SNX29: variants seen among roughly 807,000 people sequenced by gnomAD.
SNX29 encodes the protein sorting nexin-29.
Under a neutral mutation model 102.1 loss-of-function variants are expected in SNX29, and 78 were observed. The observed-to-expected ratio is 0.76, with a 90% CI of 0.64 to 0.92. The LOEUF (loss-of-function observed/expected upper bound fraction) is 0.92, where lower values mean the gene tolerates loss of function less well. Ranked by LOEUF, SNX29 falls within the 40% of genes least tolerant of loss-of-function variation. The probability of loss-of-function intolerance (pLI) is 0.00; values close to 1 mark genes in which losing one functional copy is unlikely to be tolerated. For synonymous variants in SNX29, 580 were observed against 414.5 expected, an observed-to-expected ratio of 1.40 and a Z score of -4.85; for missense variants, 1,280 against 1,061.7, an observed-to-expected ratio of 1.21 and a Z score of -2.86.
Position 12,253,824 on chromosome 16 carries a change from A to G in SNX29, c.1679-24109A>G, listed in dbSNP as rs535681910. ...GGTTTTGGAAGTTTGCTGTGTGGAG[A>G]CTGGAGTGTGGGAGCAGGGGTGGAG... is the stretch of plus-strand genomic sequence containing the variant. On this transcript the variant is annotated intron_variant, in intron 14 of 20. Transcript: ENST00000566228. 4.6e-5 allele frequency among the ~76,000 whole-genome samples: 7 copies of G among 152,072 alleles called. No homozygotes were observed. In the East Asian group the frequency reaches 1.4e-3, roughly 29 times the overall value.
At chr16:12,551,357 G>C (rs935086452) in intron 20 of SNX29, among the ~76,000 whole-genome samples, 1 of 152,204 alleles carries the variant, frequency 6.6e-6, no homozygotes, top group Non-Finnish European at 1.5e-5. Context: ...TTGGGGGCTA[G>C]TCTTTCCATT....
chr16:12,544,044 C>CA (rs1263905337), intron 20 of SNX29, among the ~76,000 whole-genome samples: 1 of 152,214 alleles, frequency 6.6e-6, no homozygotes, highest in Non-Finnish European at 1.5e-5. Flanking sequence ...CATCACATTG[C>CA]AAAGCCACAG....
rs1330844140 is a variant in SNX29 at position 12,569,626 on chromosome 16, G to T, written c.*997G>T. 1 of 171,476 alleles carries T rather than the reference G, an allele frequency of 5.8e-6. No individual in the cohort carries two copies. Among genetic ancestry groups the T allele is most frequent in the Admixed American group, 8.1e-5 (1 of 12,412 alleles). 10.6% of individuals were successfully genotyped at this position (171,476 alleles called of 1,614,324 possible). A position where few individuals can be genotyped will look rare whatever the true frequency, so the allele number is the denominator to read the frequency against. ...ACATTGTCCTTGATAACAGAACTCT[G>T]CATCCCCTAAGACAGAGTCCTCTGT... On this transcript the variant is annotated 3_prime_UTR_variant, in exon 21 of 21. Coordinates refer to ENST00000566228, the MANE Select transcript of SNX29 (RefSeq NM_032167.5).
chr16:12,456,506 C>CATGT (rs1555543125), intron 18 of SNX29, among the ~76,000 whole-genome samples: 3,811 of 148,942 alleles, frequency 0.026, 164 homozygotes, highest in African/African-American at 0.088. Flanking sequence ...CATGTGTGCA[C>CATGT]GTGTGTGTGT....
At chr16:12,542,246 C>T (rs1306956832) in intron 20 of SNX29, among the ~76,000 whole-genome samples, 2 of 152,054 alleles carry the variant, frequency 1.3e-5, no homozygotes, top group African/African-American at 4.8e-5. Context: ...GTGTTATTCC[C>T]TTTATAGATG....
chr16:12,463,669 C>G (rs1320332020), intron 18 of SNX29, among the ~76,000 whole-genome samples: 1 of 152,112 alleles, frequency 6.6e-6, no homozygotes, highest in Non-Finnish European at 1.5e-5. Flanking sequence ...ATAGCAACCT[C>G]TATTATTAAA....
chr16:12,517,443 AT>A (rs2151939198), intron 19 of SNX29, among the ~76,000 whole-genome samples: 1 of 152,278 alleles, frequency 6.6e-6, no homozygotes, highest in East Asian at 1.9e-4. Context: ...TCTCTTTGGA[AT>A]CAGGGAGCTG....
chr16:12,196,207 T>C (rs1419452518), intron 13 of SNX29, among the ~76,000 whole-genome samples: 1 of 151,948 alleles, frequency 6.6e-6, no homozygotes, highest in Non-Finnish European at 1.5e-5. Context: ...TGGGCTCAAG[T>C]AATTGGCCTG....
chr16:12,566,900 C>A (rs553966664), intron 20 of SNX29, among the ~76,000 whole-genome samples: 1 of 152,278 alleles, frequency 6.6e-6, no homozygotes, highest in Non-Finnish European at 1.5e-5. Flanking sequence ...CAGGAAAAGA[C>A]AATCATTAAA....
At chr16:12,166,057 A>G (rs1479598960) in intron 13 of SNX29, among the ~76,000 whole-genome samples, 1 of 152,236 alleles carries the variant, frequency 6.6e-6, no homozygotes, top group Non-Finnish European at 1.5e-5. Context: ...AATCCATGTC[A>G]TCTATTCATG....
At position 12,260,360 on chromosome 16, in the gene SNX29, C is replaced by T. The variant is rs115670160; in HGVS notation, c.1679-17573C>T. On this transcript the variant is annotated intron_variant, in intron 14 of 20. Transcript: ENST00000566228. The stretch of plus-strand genomic sequence containing the variant: ...GATTTTTGTTGTTCTTTTAACCTCC[C>T]TGTTACCGTCTTCCTTCTCATCCTT... Among the ~76,000 whole-genome samples, 1,242 of 152,300 alleles carry T rather than the reference C, an allele frequency of 8.2e-3. 14 individuals carry two copies. The highest frequency in any genetic ancestry group is 0.026 in the African/African-American group (1,066 of 41,550).
At chr16:12,281,440 G>C (rs2079427471) in intron 15 of SNX29, among the ~76,000 whole-genome samples, 1 of 152,180 alleles carries the variant, frequency 6.6e-6, no homozygotes, top group South Asian at 2.1e-4. Context: ...TCTTTAAATG[G>C]CTGGTGGGCA....
At chr16:12,046,689 G>A (rs1484804931) in intron 6 of SNX29, among the ~76,000 whole-genome samples, 3 of 152,160 alleles carry the variant, frequency 2.0e-5, no homozygotes, top group Non-Finnish European at 2.9e-5. Context: ...ATGCAACCTC[G>A]GCTCACTGCA....
At chr16:12,549,998 A>C (rs759519839) in intron 20 of SNX29, among the ~76,000 whole-genome samples, 6 of 152,212 alleles carry the variant, frequency 3.9e-5, no homozygotes, top group East Asian at 1.9e-4. Context: ...ATAGCTTCTT[A>C]TTATAAGGGC....
chr16:12,102,746 A>G (rs1045942983), intron 11 of SNX29, among the ~76,000 whole-genome samples: 5 of 152,226 alleles, frequency 3.3e-5, no homozygotes, highest in Non-Finnish European at 7.3e-5. Context: ...AAGGGTATTC[A>G]GATAGGAAGA....
intron 11 of SNX29, chr16:12,090,356 G>A (rs890539775): frequency 6.6e-6 from 1 of 152,272 alleles, no homozygotes; most frequent in African/African-American, 2.4e-5. Flanking sequence ...AGTTCTTCCG[G>A]GTTAGGACTT....
intron 14 of SNX29, among the ~76,000 whole-genome samples, chr16:12,232,145 C>T (rs982100976): frequency 6.6e-6 from 1 of 152,130 alleles, no homozygotes; most frequent in Non-Finnish European, 1.5e-5. Flanking sequence ...GAGGATGAAA[C>T]CTTCAAGTCT....
intron 4 of SNX29, among the ~76,000 whole-genome samples, chr16:12,036,998 AC>A (rs2057494690): frequency 6.6e-6 from 1 of 151,964 alleles, no homozygotes; most frequent in Non-Finnish European, 1.5e-5. Context: ...GTCCCTCACC[AC>A]CGCTTCTCTG....
intron 13 of SNX29, among the ~76,000 whole-genome samples, chr16:12,156,147 T>C (rs2055540305): frequency 6.6e-6 from 1 of 152,224 alleles, no homozygotes; most frequent in Non-Finnish European, 1.5e-5. Context: ...GAGAGCTTCT[T>C]GGTTAACTCC....
Sources: allele counts gnomAD v4.1 joint callset (sites outside exome capture counted in the v4.1 genomes callset), GRCh38; gene constraint gnomAD v4.1.1; transcripts MANE v1.5; gene names NCBI Gene and HGNC (gene_info 2026-07-23, HGNC 2026-07-21).